The following ZNF695 variants were observed in gnomAD, a reference collection of about 807,000 sequenced individuals.
ZNF695 encodes the protein zinc finger protein SBZF3.
A neutral mutation model predicts 11.2 loss-of-function variants in ZNF695; 11 were observed. That is an observed-to-expected ratio of 0.98 (90% CI 0.62 to 1.62). ZNF695 has a LOEUF of 1.62. ZNF695 is among the 40% of genes most tolerant of loss of function. The pLI, the probability that ZNF695 is intolerant of heterozygous loss-of-function variation, is 0.00. For missense variants in ZNF695, 559 were observed against 590.5 expected (o/e 0.95, Z 0.55); for synonymous variants, 190 against 201.4 (o/e 0.94, Z 0.48).
At chr1:246,992,118 C>A (rs988604338) in intron 3 of ZNF695, among the ~76,000 whole-genome samples, 6 of 151,704 alleles carry the variant, frequency 4.0e-5, no homozygotes, top group African/African-American at 1.5e-4. Flanking sequence ...GAGCCGAGAT[C>A]GCGCCACTGC....
chr1:246,970,912 A>G (rs1668407408), intron 4 of ZNF695, among the ~76,000 whole-genome samples: 1 of 152,168 alleles, frequency 6.6e-6, no homozygotes, highest in African/African-American at 2.4e-5. Flanking sequence ...GATTACAGGC[A>G]TGCGCTGTAG....
chr1:246,950,138 A>C (rs765349389), intron 5 of ZNF695, among the ~76,000 whole-genome samples: 2 of 152,302 alleles, frequency 1.3e-5, no homozygotes, highest in South Asian at 4.1e-4. Context: ...CTACGGATTA[A>C]AAGGAGAATA....
At chr1:246,960,575 G>A (rs1335852693) in intron 5 of ZNF695, among the ~76,000 whole-genome samples, 1 of 152,184 alleles carries the variant, frequency 6.6e-6, no homozygotes, top group Non-Finnish European at 1.5e-5. Context: ...TGCAAGACAA[G>A]TTCTTTTCTT....
chr1:246,955,076 A>G (rs145157173), intron 5 of ZNF695, among the ~76,000 whole-genome samples: 93 of 152,296 alleles, frequency 6.1e-4, no homozygotes, highest in Non-Finnish European at 1.2e-3. Context: ...AGTTCTCACG[A>G]CAGTGAATAA....
At chr1:246,997,879 G>A (rs1669256314) in intron 3 of ZNF695, among the ~76,000 whole-genome samples, 1 of 152,146 alleles carries the variant, frequency 6.6e-6, no homozygotes. Context: ...GAAGACACAC[G>A]TGATTGCCAA....
intron 4 of ZNF695, among the ~76,000 whole-genome samples, chr1:246,976,518 G>C (rs1572517733): frequency 6.6e-6 from 1 of 152,084 alleles, no homozygotes. Flanking sequence ...ACACTGGCCG[G>C]GCGCGGTGGC....
chr1:246,967,335 G>A (rs1016146570), intron 5 of ZNF695: 2 of 456,354 alleles, frequency 4.4e-6, no homozygotes, highest in Admixed American at 4.7e-5. Context: ...GCTGTTAGAA[G>A]ACTGTTGCAA....
At chr1:246,997,577 T>C (rs1422141531) in intron 3 of ZNF695, among the ~76,000 whole-genome samples, 1 of 151,728 alleles carries the variant, frequency 6.6e-6, no homozygotes, top group South Asian at 2.1e-4. Flanking sequence ...GTAAAATCAA[T>C]AGAAATAAAA....
At chr1:247,006,870 T>C (rs1669555596) in intron 1 of ZNF695, among the ~76,000 whole-genome samples, 1 of 152,214 alleles carries the variant, frequency 6.6e-6, no homozygotes, top group African/African-American at 2.4e-5. Flanking sequence ...TGAGTGGCTT[T>C]GATGTCCTGG....
chr1:246,959,305 AAAAAAATATATATATATATATATAT>A (rs1668095509), intron 5 of ZNF695, among the ~76,000 whole-genome samples: 1 of 69,620 alleles, frequency 1.4e-5, no homozygotes, highest in South Asian at 5.4e-4. Flanking sequence ...AAAAAAAAAA[AAAAAAATATATATATATATATATAT>A]ATATATATAT....
At chr1:246,979,177 C>T (rs1433593136) in intron 4 of ZNF695, among the ~76,000 whole-genome samples, 2 of 152,064 alleles carry the variant, frequency 1.3e-5, no homozygotes, top group African/African-American at 4.8e-5. Flanking sequence ...TGGGTGAACA[C>T]ACCTGGAGGA....
intron 3 of ZNF695, among the ~76,000 whole-genome samples, chr1:246,992,112 C>T (rs112819390): frequency 6.6e-6 from 1 of 151,280 alleles, no homozygotes; most frequent in Non-Finnish European, 1.5e-5. Context: ...TGCAGTGAGC[C>T]GAGATCGCGC....
intron 3 of ZNF695, among the ~76,000 whole-genome samples, chr1:246,994,890 A>G (rs1240699669): frequency 6.6e-6 from 1 of 152,180 alleles, no homozygotes; most frequent in Non-Finnish European, 1.5e-5. Context: ...AACAACTCAC[A>G]GGAGACAAAA....
intron 5 of ZNF695, among the ~76,000 whole-genome samples, chr1:246,951,273 C>T (rs1001349222): frequency 5.3e-5 from 8 of 152,120 alleles, no homozygotes; most frequent in South Asian, 2.1e-4. Flanking sequence ...TGACCTTTTT[C>T]GGAAATAGAG....
intron 5 of ZNF695, among the ~76,000 whole-genome samples, chr1:246,951,823 G>A (rs1397258930): frequency 1.3e-5 from 2 of 152,146 alleles, no homozygotes; most frequent in Non-Finnish European, 2.9e-5. Flanking sequence ...AGCCCCATAG[G>A]CTTTGTCAAA....
At chr1:246,984,622 A>G (rs906416569), downstream of ZNF695, among the ~76,000 whole-genome samples, 6 of 152,230 alleles carry the variant, frequency 3.9e-5, no homozygotes, top group Admixed American at 3.9e-4. Context: ...TAAAGCCTCC[A>G]AAGTGTTTAT....
intron 3 of ZNF695, among the ~76,000 whole-genome samples, chr1:246,997,714 T>C (rs1304826429): frequency 6.6e-6 from 1 of 152,204 alleles, no homozygotes; most frequent in East Asian, 1.9e-4. Context: ...TACATATACA[T>C]AATAGAGTAT....
chr1:246,956,945 G>T (rs1017386247), intron 5 of ZNF695, among the ~76,000 whole-genome samples: 3 of 152,090 alleles, frequency 2.0e-5, no homozygotes, highest in Non-Finnish European at 2.9e-5. Flanking sequence ...GTGGTATCAT[G>T]ATATGTGAAA....
chr1:246,983,834 C>CA (rs748063930), downstream of ZNF695, among the ~76,000 whole-genome samples: 3 of 150,190 alleles, frequency 2.0e-5, no homozygotes, highest in Non-Finnish European at 4.4e-5. Flanking sequence ...AACAAACAAA[C>CA]AAACAAAAAT....
Sources: gnomAD v4.1 joint callset for allele counts (sites outside exome capture counted in the v4.1 genomes callset) on GRCh38, gnomAD v4.1.1 for gene constraint, MANE v1.5 for transcripts, NCBI Gene and HGNC (gene_info 2026-07-23, HGNC 2026-07-21) for gene names.